The following RNF145 variants were observed in gnomAD, a reference collection of about 807,000 sequenced individuals.
RNF145 encodes ring finger protein 145.
In RNF145, 12 loss-of-function variants were observed where a neutral mutation model predicts 57.3. The ratio of observed to expected loss-of-function variants is 0.21; its 90% CI spans 0.13 to 0.34. RNF145 has a LOEUF of 0.34. Among genes scored for constraint, RNF145 ranks in the 10% least tolerant of loss-of-function variants. The pLI, the probability that RNF145 is intolerant of heterozygous loss-of-function variation, is 1.00. For synonymous variants in RNF145, 262 were observed against 288.3 expected (o/e 0.91, Z 0.92); for missense variants, 429 against 799.0 (o/e 0.54, Z 5.58).
At chr5:159,169,845 CA>C in intron 6 of RNF145, 26 bp from the exon 7 acceptor site, 2 of 1,572,202 alleles carry the variant, frequency 1.3e-6, no homozygotes, top group Non-Finnish European at 1.7e-6. Flanking sequence ...GGGAAATTAA[CA>C]GACATAAACT....
At position 159,161,625 on chromosome 5, in the gene RNF145, G is replaced by GA. The variant is rs59997682; in HGVS notation, c.1270-4dup. 14,186 of 1,301,658 alleles carry GA rather than the reference G, an allele frequency of 0.011. 2 individuals are homozygous for GA. The highest frequency in any genetic ancestry group is 0.016 in the East Asian group (636 of 40,684). 80.6% of individuals were successfully genotyped at this position (1,301,658 alleles called of 1,614,324 possible). ...TAAATAAAAAGTGTTCCCAGAACCT[G>GA]AAAAAAAAAAAAAAATGTACGTATC... On this transcript the variant is annotated splice_polypyrimidine_tract_variant and splice_region_variant and intron_variant, in intron 9 of 10. Transcript: ENST00000424310.
chr5:159,178,529 T>A (rs1784785230), intron 4 of RNF145, among the ~76,000 whole-genome samples: 1 of 152,092 alleles, frequency 6.6e-6, no homozygotes, highest in Non-Finnish European at 1.5e-5. Flanking sequence ...TAATTTAGAA[T>A]AATTAATCAT....
chr5:159,205,503 T>A (rs1785845525), intron 1 of RNF145, among the ~76,000 whole-genome samples: 1 of 152,210 alleles, frequency 6.6e-6, no homozygotes, highest in South Asian at 2.1e-4. Flanking sequence ...CATTTTAATG[T>A]GTATAAGCCA....
chr5:159,204,827 A>AAAAAAAAAAAAG lies in RNF145; in HGVS notation c.-39-1172_-39-1171insCTTTTTTTTTTT, dbSNP rs147292059. 2.8e-5 allele frequency among the ~76,000 whole-genome samples: 3 copies of AAAAAAAAAAAAG among 105,658 alleles called. 1 individual carries two copies. The allele number at this position is 105,658 out of a possible 152,430, so 69.3% of individuals were successfully genotyped here. ...TCAAAAAAAAAAAAAAAAAAAAAAA[A>AAAAAAAAAAAAG]GCAAACAAAAGTGGGTAAAGAACAA... On this transcript the variant is annotated intron_variant, in intron 1 of 10. Transcript: ENST00000424310.
rs1785744987 is a variant in RNF145, at chr5:159,203,545, C to T, written c.73G>A (p.Val25Ile). 1.2e-6 allele frequency: 2 copies of T among 1,613,578 alleles called. No individual in the cohort carries two copies. The highest frequency in any genetic ancestry group is 1.7e-6 in the Non-Finnish European group (2 of 1,179,814). Residue 25 changes from valine (V) to isoleucine (I), a missense_variant, in exon 2 of 11, where the codon GTC becomes ATC. Around this residue, in one of 4 missense-constraint regions of RNF145, gnomAD observed 109 missense variants for 207.2 expected, o/e 0.53. Transcript: ENST00000424310. ...LRVPSIMLLD[V>I]LYRWDVSSFF... Reference sequence around the variant, plus strand: ...GAGCTGACATCCCATCTGTACAGGACATCCAACAGCATGATGCTTGGCACC... The same window carrying T: ...GAGCTGACATCCCATCTGTACAGGATATCCAACAGCATGATGCTTGGCACC...
rs1483854906 is a variant in RNF145, at chr5:159,209,506, G to GGCGGCGGCGGCGGCT, written c.-316_-315insAGCCGCCGCCGCCGC. 1.0e-6 allele frequency: 1 copy of GGCGGCGGCGGCGGCT among 981,128 alleles called. No homozygotes were observed. Among genetic ancestry groups the GGCGGCGGCGGCGGCT allele is most frequent in the African/African-American group, 1.8e-5 (1 of 56,670 alleles). The allele number at this position is 981,128 out of a possible 1,614,324, so 60.8% of individuals were successfully genotyped here. On this transcript the variant is annotated 5_prime_UTR_variant, in exon 1 of 11. Transcript: ENST00000424310. The stretch of plus-strand genomic sequence containing the variant: ...CCCCTTAGCAGCCGGCGCCGGCGTC[G>GGCGGCGGCGGCGGCT]GCGGCCATGGCCTCCTGCGTTTGCT...
intron 7 of RNF145, 68 bp from the exon 8 acceptor site, chr5:159,169,123 TAATCCAAAGGCTTAG>T: frequency 1.6e-6 from 2 of 1,263,794 alleles, no homozygotes; most frequent in Non-Finnish European, 2.2e-6. Flanking sequence ...AAGAGAAAAA[TAATCCAAAGGCTTAG>T]ACTCTTGTTA....
At chr5:159,186,111 G>A (rs1785045578) in intron 3 of RNF145, among the ~76,000 whole-genome samples, 1 of 152,126 alleles carries the variant, frequency 6.6e-6, no homozygotes, top group Admixed American at 6.6e-5. Context: ...TATAGTCCCG[G>A]CTACTTGGGA....
At chr5:159,187,164 C>T (rs1785096717) in intron 3 of RNF145, among the ~76,000 whole-genome samples, 1 of 150,636 alleles carries the variant, frequency 6.6e-6, no homozygotes, top group Non-Finnish European at 1.5e-5. Context: ...CACCTGTAAT[C>T]CCAGCTATTT....
At chr5:159,191,642 A>G (rs1785293143) in intron 3 of RNF145, among the ~76,000 whole-genome samples, 1 of 152,112 alleles carries the variant, frequency 6.6e-6, no homozygotes. Flanking sequence ...AATACAAAAA[A>G]TTAGCTGGGC....
At chr5:159,172,504 C>A in intron 6 of RNF145, among the ~76,000 whole-genome samples, 1 of 151,608 alleles carries the variant, frequency 6.6e-6, no homozygotes. Flanking sequence ...CTGCATAAAA[C>A]CTCCATAATA....
intron 2 of RNF145, among the ~76,000 whole-genome samples, chr5:159,198,272 TAA>T (rs1287780708): frequency 8.9e-6 from 1 of 112,554 alleles, no homozygotes; most frequent in African/African-American, 3.9e-5. Context: ...AATAAATAAA[TAA>T]ATAAAAGAAA....
At chr5:159,209,866 G>C (rs926740307), upstream of RNF145, 7 of 1,535,998 alleles carry the variant, frequency 4.6e-6, no homozygotes, top group African/African-American at 9.6e-5. Flanking sequence ...CAGGGACCAC[G>C]TGGGAGAATT....
intron 10 of RNF145, among the ~76,000 whole-genome samples, chr5:159,159,526 T>C (rs185932347): frequency 7.9e-5 from 12 of 152,306 alleles, no homozygotes. Context: ...GAAGTGGCAC[T>C]CTCTCATTAC....
At chr5:159,168,030 C>T (rs1727992049) in intron 8 of RNF145, among the ~76,000 whole-genome samples, 1 of 151,886 alleles carries the variant, frequency 6.6e-6, no homozygotes, top group African/African-American at 2.4e-5. Context: ...AGATAGAGAA[C>T]TAGAAAAAAA....
chr5:159,198,928 T>G (rs1284331070), intron 2 of RNF145, among the ~76,000 whole-genome samples: 1 of 151,996 alleles, frequency 6.6e-6, no homozygotes, highest in African/African-American at 2.4e-5. Flanking sequence ...CAGTGAGCCA[T>G]GATCACACCA....
chr5:159,209,498 C>CCGGCGG lies in RNF145; in HGVS notation c.-308_-307insCCGCCG. On this transcript the variant is annotated 5_prime_UTR_variant, in exon 1 of 11. Transcript: ENST00000424310. ...GGGCCGAGCCCCTTAGCAGCCGGCG[C>CCGGCGG]CGGCGTCGGCGGCCATGGCCTCCTG... The CCGGCGG allele has an allele frequency of 2.9e-6, 1 of 339,944 alleles. No homozygotes were observed. The highest frequency in any genetic ancestry group is 1.8e-4 in the African/African-American group (1 of 5,408). 21.1% of individuals were successfully genotyped at this position (339,944 alleles called of 1,614,324 possible). A position where few individuals can be genotyped will look rare whatever the true frequency, so the allele number is the denominator to read the frequency against.
At position 159,158,406 on chromosome 5, in the gene RNF145, T is replaced by C. The variant is rs1584654249; in HGVS notation, c.*264A>G. 2.5e-6 allele frequency: 1 copy of C among 399,898 alleles called. No homozygotes were observed. Among genetic ancestry groups the C allele is most frequent in the Non-Finnish European group, 4.5e-6 (1 of 220,598 alleles). 24.8% of individuals were successfully genotyped at this position (399,898 alleles called of 1,614,324 possible). On this transcript the variant is annotated 3_prime_UTR_variant, in exon 11 of 11. Transcript: ENST00000424310. ...GGGGCAGTTTCTGAAGTTGCTGAGG[T>C]TGAATTTTCTTCACAAACCTCTATA...
intron 3 of RNF145, among the ~76,000 whole-genome samples, chr5:159,187,609 G>C (rs1456887668): frequency 6.6e-6 from 1 of 152,124 alleles, no homozygotes; most frequent in African/African-American, 2.4e-5. Flanking sequence ...CTACAGGCGT[G>C]TGCCACCACT....
Sources: allele counts gnomAD v4.1 joint callset (sites outside exome capture counted in the v4.1 genomes callset), GRCh38; gene constraint gnomAD v4.1.1; regional missense constraint gnomAD v4.1.1; transcripts MANE v1.5; gene names NCBI Gene and HGNC (gene_info 2026-07-23, HGNC 2026-07-21).